RNGTT: variants seen among roughly 807,000 people sequenced by gnomAD.
RNGTT encodes the protein mRNA-capping enzyme.
A neutral mutation model predicts 79.3 loss-of-function variants in RNGTT; 33 were observed. That is an observed-to-expected ratio of 0.42 (90% CI 0.32 to 0.56). RNGTT has a LOEUF of 0.56. Ranked by LOEUF, RNGTT falls within the 20% of genes least tolerant of loss-of-function variation. RNGTT has a pLI of 0.17. For synonymous variants in RNGTT, 222 were observed against 235.9 expected, an observed-to-expected ratio of 0.94 and a Z score of 0.54; for missense variants, 497 against 739.1, an observed-to-expected ratio of 0.67 and a Z score of 3.80.
intron 2 of RNGTT, 95 bp downstream of exon 2, chr6:88,940,976 A>C (rs1167402213): frequency 1.6e-6 from 1 of 642,740 alleles, no homozygotes; most frequent in East Asian, 2.8e-5. Context: ...TCTATTAATT[A>C]TTTTAAAATA....
At chr6:88,963,095 C>T (rs1785696458) in intron 1 of RNGTT, among the ~76,000 whole-genome samples, 1 of 152,174 alleles carries the variant, frequency 6.6e-6, no homozygotes, top group African/African-American at 2.4e-5. Flanking sequence ...TCACCTCCTG[C>T]CACCAACCTC....
At chr6:88,736,416 G>A (rs1057033284) in intron 13 of RNGTT, among the ~76,000 whole-genome samples, 1 of 152,172 alleles carries the variant, frequency 6.6e-6, no homozygotes, top group African/African-American at 2.4e-5. Flanking sequence ...AACTGAATGT[G>A]TGCAATGTAG....
At chr6:88,808,758 T>A (rs538791795) in intron 11 of RNGTT, among the ~76,000 whole-genome samples, 2 of 151,986 alleles carry the variant, frequency 1.3e-5, no homozygotes, top group Admixed American at 6.6e-5. Context: ...AAAAATATTT[T>A]AAAAAATGTA....
intron 6 of RNGTT, among the ~76,000 whole-genome samples, chr6:88,903,457 T>C (rs1393156067): frequency 6.6e-6 from 1 of 152,192 alleles, no homozygotes; most frequent in Non-Finnish European, 1.5e-5. Flanking sequence ...TTGTTATTTT[T>C]CTAGGTATGT....
chr6:88,700,984 T>C (rs917049853), intron 13 of RNGTT, among the ~76,000 whole-genome samples: 1 of 152,104 alleles, frequency 6.6e-6, no homozygotes, highest in Non-Finnish European at 1.5e-5. Context: ...AATATTGAAG[T>C]TCATGGTTAA....
chr6:88,836,009 C>T (rs989569406), intron 11 of RNGTT, among the ~76,000 whole-genome samples: 3 of 122,018 alleles, frequency 2.5e-5, no homozygotes, highest in African/African-American at 8.6e-5. Context: ...CACACACACA[C>T]ACACACACAC....
chr6:88,906,635 G>A (rs1783663013), intron 4 of RNGTT, among the ~76,000 whole-genome samples, 195 bp from the exon 5 acceptor site: 1 of 152,076 alleles, frequency 6.6e-6, no homozygotes, highest in African/African-American at 2.4e-5. Flanking sequence ...TTTATAACTA[G>A]CTAGAAGTTT....
chr6:88,958,840 G>C (rs981699026), intron 1 of RNGTT, among the ~76,000 whole-genome samples: 1 of 152,116 alleles, frequency 6.6e-6, no homozygotes, highest in Non-Finnish European at 1.5e-5. Context: ...ATTTGATCCA[G>C]CAATCCCACT....
intron 6 of RNGTT, 24 bp from the exon 7 acceptor site, chr6:88,891,939 T>C: frequency 6.3e-6 from 9 of 1,419,496 alleles, no homozygotes; most frequent in Non-Finnish European, 8.6e-6. Context: ...ATAAGAAAAA[T>C]AAGGGAAAGA....
rs140241885 is a variant in RNGTT at position 88,887,908 on chromosome 6, G to A, written c.896+2587C>T. Among the ~76,000 whole-genome samples, 283 of 152,282 alleles carry A rather than the reference G, an allele frequency of 1.9e-3. 1 individual carries two copies. The highest frequency in any genetic ancestry group is 3.5e-3 in the South Asian group (17 of 4,822). On this transcript the variant is annotated intron_variant, in intron 8 of 15. Transcript: ENST00000369485. ...AGGCAGGAGGATCACTACAGCCCAGGAGCTCAAGACCAGCCTGGGCAACAT... is the reference window on the plus strand; with the variant it reads ...AGGCAGGAGGATCACTACAGCCCAGAAGCTCAAGACCAGCCTGGGCAACAT...
intron 4 of RNGTT, among the ~76,000 whole-genome samples, chr6:88,920,805 TAGA>T (rs1278969691): frequency 1.1e-4 from 16 of 152,218 alleles, no homozygotes; most frequent in Non-Finnish European, 2.1e-4. Flanking sequence ...GTTGTATTCT[TAGA>T]AGAACTGATA....
At chr6:88,790,296 C>T (rs918454083) in intron 12 of RNGTT, among the ~76,000 whole-genome samples, 16 of 152,136 alleles carry the variant, frequency 1.1e-4, no homozygotes, top group Non-Finnish European at 1.2e-4. Flanking sequence ...AGGCATAGGA[C>T]ATAAAACAAG....
chr6:88,680,715 C>T (rs1366411709), intron 13 of RNGTT, among the ~76,000 whole-genome samples: 2 of 150,484 alleles, frequency 1.3e-5, no homozygotes, highest in African/African-American at 4.9e-5. Flanking sequence ...GCACTCCAGC[C>T]CGGGCAAGAA....
intron 13 of RNGTT, among the ~76,000 whole-genome samples, chr6:88,688,388 T>A (rs910762542): frequency 6.6e-6 from 1 of 152,212 alleles, no homozygotes; most frequent in Admixed American, 6.5e-5. Flanking sequence ...AGGTGCTTGT[T>A]AGTATATGAT....
At chr6:88,837,195 A>G (rs780175234) in intron 11 of RNGTT, among the ~76,000 whole-genome samples, 14 of 152,174 alleles carry the variant, frequency 9.2e-5, no homozygotes, top group Non-Finnish European at 1.8e-4. Context: ...AGAGTTCAAG[A>G]CCAGCCTGGT....
chr6:88,938,336 A>G (rs989962993), intron 2 of RNGTT, among the ~76,000 whole-genome samples: 4 of 152,164 alleles, frequency 2.6e-5, no homozygotes, highest in Admixed American at 2.6e-4. Context: ...TTTATCTGAT[A>G]TAAGTTTAGC....
Position 88,648,399 on chromosome 6 carries a change from AC to A in RNGTT, c.1506+29953del, listed in dbSNP as rs772934978. Among the ~76,000 whole-genome samples, 44 of 152,142 alleles carry A rather than the reference AC, an allele frequency of 2.9e-4. 1 individual carries two copies. The highest frequency in any genetic ancestry group is 5.2e-4 in the Admixed American group (8 of 15,292). Reference sequence around the variant, plus strand: ...AATGACGAGTTAATGGATGCAGTACACCAACATGGCACATGTATACATATGT... The same window carrying A: ...AATGACGAGTTAATGGATGCAGTACACAACATGGCACATGTATACATATGT... On this transcript the variant is annotated intron_variant, in intron 14 of 15. Coordinates refer to ENST00000369485, the MANE Select transcript of RNGTT (RefSeq NM_003800.5).
chr6:88,769,170 G>A (rs10944408), intron 13 of RNGTT, among the ~76,000 whole-genome samples: 13,383 of 151,842 alleles, frequency 0.088, 632 homozygotes, highest in African/African-American at 0.096. Flanking sequence ...GGGGAGGTGT[G>A]CGGCGGGGGA....
At chr6:88,711,965 G>C (rs184170925) in intron 13 of RNGTT, among the ~76,000 whole-genome samples, 7 of 152,186 alleles carry the variant, frequency 4.6e-5, no homozygotes, top group Admixed American at 2.6e-4. Context: ...AATCTAACTA[G>C]GTGAAGTACA....
Sources: gnomAD v4.1 joint callset for allele counts (sites outside exome capture counted in the v4.1 genomes callset) on GRCh38, gnomAD v4.1.1 for gene constraint, MANE v1.5 for transcripts, NCBI Gene and HGNC (gene_info 2026-07-23, HGNC 2026-07-21) for gene names.